Variants in TMCC1 observed in about 807,000 individuals in gnomAD.
The protein encoded by TMCC1 is transmembrane and coiled-coil domain family 1.
In TMCC1, 15 loss-of-function variants were observed where a neutral mutation model predicts 52.4. The observed-to-expected ratio is 0.29, with a 90% CI of 0.19 to 0.44. The LOEUF (loss-of-function observed/expected upper bound fraction) is 0.44. TMCC1 is among the 20% of genes least tolerant of loss of function. The pLI is 1.00. For synonymous variants in TMCC1, 279 were observed against 301.9 expected (o/e 0.92, Z 0.79); for missense variants, 503 against 806.0 (o/e 0.62, Z 4.55).
chr3:129,862,551 T>C (rs1378462258), intron 2 of TMCC1, among the ~76,000 whole-genome samples: 1 of 152,146 alleles, frequency 6.6e-6, no homozygotes, highest in Non-Finnish European at 1.5e-5. Context: ...TGAGCTCAAA[T>C]AGCACCACAG....
chr3:129,662,138 G>T (rs530316364), intron 5 of TMCC1, among the ~76,000 whole-genome samples: 13 of 152,134 alleles, frequency 8.5e-5, no homozygotes, highest in African/African-American at 2.2e-4. Context: ...CCCCTTTACA[G>T]GATGCTAAAT....
At chr3:129,817,726 C>T (rs971518591) in intron 4 of TMCC1, among the ~76,000 whole-genome samples, 5 of 152,088 alleles carry the variant, frequency 3.3e-5, no homozygotes, top group African/African-American at 7.2e-5. Context: ...CTGCTCACTG[C>T]AACCTCCACC....
intron 4 of TMCC1, among the ~76,000 whole-genome samples, chr3:129,710,895 C>T (rs191919049): frequency 1.7e-3 from 265 of 152,306 alleles, no homozygotes; most frequent in African/African-American, 6.1e-3. Flanking sequence ...GATGGAGTCT[C>T]GCTCTGTTGC....
intron 4 of TMCC1, among the ~76,000 whole-genome samples, chr3:129,785,560 TACACACACACACACACACACACACAAAC>T (rs1201789177): frequency 2.1e-5 from 3 of 146,066 alleles, no homozygotes; most frequent in Admixed American, 6.8e-5. Flanking sequence ...TCAATATACA[TACACACACACACACACACACACACAAAC>T]ACACACACAC....
chr3:129,858,811 A>G (rs1013387556), intron 2 of TMCC1, among the ~76,000 whole-genome samples: 4 of 152,340 alleles, frequency 2.6e-5, no homozygotes, highest in African/African-American at 9.6e-5. Context: ...CAAAACCTGA[A>G]TATGTTTTGC....
chr3:129,887,045 T>C (rs1286351631), intron 1 of TMCC1, among the ~76,000 whole-genome samples: 2 of 152,108 alleles, frequency 1.3e-5, no homozygotes, highest in African/African-American at 4.8e-5. Flanking sequence ...CAGACTGTGG[T>C]TGCCAGGGAA....
intron 4 of TMCC1, 122 bp from the exon 5 acceptor site, chr3:129,671,386 T>C: frequency 1.9e-6 from 2 of 1,053,268 alleles, no homozygotes; most frequent in African/African-American, 3.2e-5. Context: ...TGACCTATAA[T>C]TCCCCCTTGT....
chr3:129,791,987 C>T (rs2056499204), intron 4 of TMCC1, among the ~76,000 whole-genome samples: 1 of 152,068 alleles, frequency 6.6e-6, no homozygotes, highest in South Asian at 2.1e-4. Flanking sequence ...TTTATATCTT[C>T]TTTCAGAAAA....
intron 4 of TMCC1, among the ~76,000 whole-genome samples, chr3:129,730,362 T>A (rs188897373): frequency 2.0e-5 from 3 of 152,322 alleles, no homozygotes; most frequent in Non-Finnish European, 2.9e-5. Flanking sequence ...GAAGTTCAAG[T>A]TTTTGCCTAC....
Position 129,828,438 on chromosome 3 carries a change from G to A in TMCC1, c.-60C>T. 1 of 1,501,810 alleles carries A rather than the reference G, an allele frequency of 6.7e-7. No homozygotes were observed. Among genetic ancestry groups the A allele is most frequent in the Non-Finnish European group, 9.1e-7 (1 of 1,104,956 alleles). The allele number at this position is 1,501,810 out of a possible 1,614,324, so 93.0% of individuals were successfully genotyped here. ...AAAATTTTTTAAACACACCAAGAGT[G>A]TCAAATTAGGTAGGCATTTGCTTCA... On this transcript the variant is annotated 5_prime_UTR_variant, in exon 4 of 7. Transcript: ENST00000393238. This position sits in a 1 kb window ranked among gnomAD's most constrained non-coding sequence, Gnocchi z 4.1.
intron 4 of TMCC1, among the ~76,000 whole-genome samples, chr3:129,752,857 C>T (rs1039500819): frequency 3.3e-5 from 5 of 152,112 alleles, no homozygotes; most frequent in Admixed American, 1.3e-4. Flanking sequence ...GCAGGCTGTA[C>T]AGGAAGCATG....
chr3:129,709,474 CAAAA>C (rs1160022823), intron 4 of TMCC1, among the ~76,000 whole-genome samples: 1 of 20,520 alleles, frequency 4.9e-5, no homozygotes, highest in Non-Finnish European at 9.0e-5. Context: ...AGACTTGCCT[CAAAA>C]AAAAAAAAAA....
chr3:129,815,505 C>G (rs1010101120), intron 4 of TMCC1, among the ~76,000 whole-genome samples: 1 of 152,136 alleles, frequency 6.6e-6, no homozygotes, highest in Non-Finnish European at 1.5e-5. Flanking sequence ...GGGGTAAGAA[C>G]AGTCTCTTTA....
intron 4 of TMCC1, among the ~76,000 whole-genome samples, chr3:129,712,067 C>T (rs1374992570): frequency 2.7e-5 from 4 of 148,472 alleles, no homozygotes; most frequent in Non-Finnish European, 5.9e-5. Flanking sequence ...ATCCCAGCTA[C>T]TCAGGAGGCT....
chr3:129,663,852 T>C (rs940604910), intron 5 of TMCC1, among the ~76,000 whole-genome samples: 1 of 152,150 alleles, frequency 6.6e-6, no homozygotes, highest in African/African-American at 2.4e-5. Context: ...AAACCAAACA[T>C]CACACTAGGT....
At chr3:129,737,883 AAGTGCAC>A (rs1486242575) in intron 4 of TMCC1, among the ~76,000 whole-genome samples, 1 of 152,216 alleles carries the variant, frequency 6.6e-6, no homozygotes, top group Non-Finnish European at 1.5e-5. Flanking sequence ...CCAAGGATCT[AAGTGCAC>A]AGGCTAGAAA....
chr3:129,774,295 GT>G (rs1340153797), intron 4 of TMCC1, among the ~76,000 whole-genome samples: 1 of 152,168 alleles, frequency 6.6e-6, no homozygotes, highest in African/African-American at 2.4e-5. Context: ...AGAGGTATCA[GT>G]TTCCTTATGA....
At chr3:129,687,620 G>A (rs2089497822) in intron 4 of TMCC1, among the ~76,000 whole-genome samples, 1 of 152,114 alleles carries the variant, frequency 6.6e-6, no homozygotes, top group Admixed American at 6.6e-5. Flanking sequence ...ATACAAAAGA[G>A]AACATAAAAG....
chr3:129,677,780 A>G (rs1020193335), intron 4 of TMCC1, among the ~76,000 whole-genome samples: 1 of 152,182 alleles, frequency 6.6e-6, no homozygotes, highest in Non-Finnish European at 1.5e-5. Context: ...ATCCCACGTT[A>G]GGACTAATTA....
Sources: gnomAD v4.1 joint callset for allele counts (sites outside exome capture counted in the v4.1 genomes callset) on GRCh38, gnomAD v4.1.1 for gene constraint, Gnocchi (gnomAD v3.1) non-coding constraint, MANE v1.5 for transcripts, NCBI Gene and HGNC (gene_info 2026-07-23, HGNC 2026-07-21) for gene names.